The following RBMS3 variants were observed in gnomAD, a reference collection of about 807,000 sequenced individuals.
RBMS3 encodes the protein RNA binding motif single stranded interacting protein 3.
In RBMS3, 27 loss-of-function variants were observed where a neutral mutation model predicts 66.8. That is an observed-to-expected ratio of 0.40 (90% confidence interval 0.30 to 0.56). RBMS3 has a LOEUF of 0.56. Among genes scored for constraint, RBMS3 ranks in the 20% least tolerant of loss-of-function variants. The probability of loss-of-function intolerance (pLI) is 0.40; values close to 1 mark genes in which losing one functional copy is unlikely to be tolerated. For missense variants in RBMS3, 513 were observed against 549.5 expected, an observed-to-expected ratio of 0.93 and a Z score of 0.66; for synonymous variants, 188 against 183.0, an observed-to-expected ratio of 1.03 and a Z score of -0.22.
At chr3:29,336,122 A>G (rs970765124) in intron 1 of RBMS3, among the ~76,000 whole-genome samples, 1 of 152,184 alleles carries the variant, frequency 6.6e-6, no homozygotes, top group Non-Finnish European at 1.5e-5. Context: ...TGTGTTCTCT[A>G]TTCAAAAACT....
At position 29,658,236 on chromosome 3, in the gene RBMS3, G is replaced by A. The variant is rs2050394821; in HGVS notation, c.399+71031G>A. ...TGGCCGGTAGAAAACACTTGATAAA[G>A]GTTAGTTGTGGTAATCACAGAGAGA... On this transcript the variant is annotated intron_variant, in intron 4 of 14. Coordinates refer to ENST00000383767, the MANE Select transcript of RBMS3 (RefSeq NM_001003793.3). Among the ~76,000 whole-genome samples, 3 of 152,168 alleles carry A rather than the reference G, an allele frequency of 2.0e-5. No individual in the cohort carries two copies. In the South Asian group the frequency reaches 6.2e-4, roughly 32 times the overall value.
chr3:29,334,154 T>C (rs2125520857), intron 1 of RBMS3, among the ~76,000 whole-genome samples: 1 of 152,320 alleles, frequency 6.6e-6, no homozygotes, highest in South Asian at 2.1e-4. Flanking sequence ...TTCTTAAAAA[T>C]GGTGCCTGTG....
chr3:29,757,787 TG>T (rs2055491951), intron 5 of RBMS3, among the ~76,000 whole-genome samples: 2 of 152,222 alleles, frequency 1.3e-5, no homozygotes, highest in Admixed American at 6.5e-5. Flanking sequence ...TAAATTACCA[TG>T]GCACATTTGT....
At chr3:29,358,925 A>T (rs2037394771) in intron 1 of RBMS3, among the ~76,000 whole-genome samples, 1 of 152,188 alleles carries the variant, frequency 6.6e-6, no homozygotes, top group African/African-American at 2.4e-5. Flanking sequence ...GAAGTTGCTT[A>T]TCAGCTTAAG....
intron 6 of RBMS3, among the ~76,000 whole-genome samples, chr3:29,829,026 CT>C: frequency 2.1e-5 from 1 of 48,532 alleles, no homozygotes; most frequent in Non-Finnish European, 5.4e-5. Context: ...TTCTTTCTTT[CT>C]TTCTTTCTTT....
intron 4 of RBMS3, among the ~76,000 whole-genome samples, chr3:29,621,785 GA>G (rs907717315): frequency 5.4e-5 from 8 of 148,976 alleles, no homozygotes; most frequent in Middle Eastern, 3.4e-3. Flanking sequence ...AAGGATGAAA[GA>G]AAAAAAAAGT....
chr3:29,587,846 A>C (rs1576304481), intron 4 of RBMS3, among the ~76,000 whole-genome samples: 1 of 152,146 alleles, frequency 6.6e-6, no homozygotes, highest in East Asian at 1.9e-4. Flanking sequence ...CATTAAATAG[A>C]ATATGTATTC....
chr3:29,668,487 T>A (rs1351582124), intron 4 of RBMS3, among the ~76,000 whole-genome samples: 1 of 152,162 alleles, frequency 6.6e-6, no homozygotes, highest in Non-Finnish European at 1.5e-5. Context: ...TGCCTACTGA[T>A]GTTGAGGACA....
chr3:29,598,556 C>T (rs764476057), intron 4 of RBMS3, among the ~76,000 whole-genome samples: 1 of 151,994 alleles, frequency 6.6e-6, no homozygotes, highest in Non-Finnish European at 1.5e-5. Flanking sequence ...CCTTACTTAA[C>T]TTCTAGAAGA....
intron 12 of RBMS3, among the ~76,000 whole-genome samples, chr3:29,968,830 G>C (rs932102450): frequency 1.3e-5 from 2 of 152,216 alleles, no homozygotes; most frequent in Non-Finnish European, 2.9e-5. Context: ...ATGCTGCTCT[G>C]TCCGGAGCTG....
chr3:29,910,759 A>ATATATGTATATGTATATG (rs141450072), intron 10 of RBMS3, among the ~76,000 whole-genome samples: 41 of 150,868 alleles, frequency 2.7e-4, no homozygotes, highest in African/African-American at 9.8e-4. Flanking sequence ...ACATATACAT[A>ATATATGTATATGTATATG]TATATGTATA....
intron 3 of RBMS3, among the ~76,000 whole-genome samples, chr3:29,524,667 C>T (rs1385694654): frequency 6.6e-6 from 1 of 151,294 alleles, no homozygotes; most frequent in Non-Finnish European, 1.5e-5. Context: ...TGGTCTTGAA[C>T]TCCTGAGCTC....
At chr3:29,495,417 CTTTTTTTTTTTT>C (rs775377508) in intron 3 of RBMS3, among the ~76,000 whole-genome samples, 1 of 111,884 alleles carries the variant, frequency 8.9e-6, no homozygotes, top group African/African-American at 3.3e-5. Flanking sequence ...ATATTTCTTT[CTTTTTTTTTTTT>C]TTTTTTTTTG....
chr3:29,845,861 G>A (rs1023781894), intron 6 of RBMS3, among the ~76,000 whole-genome samples: 2 of 152,184 alleles, frequency 1.3e-5, no homozygotes, highest in African/African-American at 2.4e-5. Context: ...TTCTGAAGAA[G>A]CAGTGTTTCA....
At chr3:29,804,581 G>T (rs1182246291) in intron 6 of RBMS3, among the ~76,000 whole-genome samples, 1 of 151,890 alleles carries the variant, frequency 6.6e-6, no homozygotes, top group East Asian at 1.9e-4. Context: ...GATAAAATCT[G>T]ATTTTATGAC....
chr3:29,558,144 TTCC>T (rs2149043389), intron 3 of RBMS3, among the ~76,000 whole-genome samples: 1 of 152,190 alleles, frequency 6.6e-6, no homozygotes. Flanking sequence ...TTCATGTCAA[TTCC>T]TCCATATACA....
chr3:29,828,977 A>ACTTTCTTTCTTTCTTTCTTTCTTT (rs368382303), intron 6 of RBMS3, among the ~76,000 whole-genome samples: 12 of 98,702 alleles, frequency 1.2e-4, no homozygotes, highest in East Asian at 2.5e-4. Context: ...TTAGCGAGTG[A>ACTTTCTTTCTTTCTTTCTTTCTTT]CTTTCTTTCT....
chr3:29,412,260 G>A (rs17023432), intron 1 of RBMS3, among the ~76,000 whole-genome samples: 24,797 of 152,050 alleles, frequency 0.16, 2,253 homozygotes, highest in East Asian at 0.32. Flanking sequence ...AGTGATGAAC[G>A]AATACATTTC....
intron 3 of RBMS3, among the ~76,000 whole-genome samples, chr3:29,518,280 C>A (rs539386143): frequency 6.6e-6 from 1 of 152,322 alleles, no homozygotes; most frequent in East Asian, 1.9e-4. Flanking sequence ...TGGGCCTATA[C>A]CCACTTAGAA....
Sources: gnomAD v4.1 joint callset for allele counts (sites outside exome capture counted in the v4.1 genomes callset) on GRCh38, gnomAD v4.1.1 for gene constraint, MANE v1.5 for transcripts, NCBI Gene and HGNC (gene_info 2026-07-23, HGNC 2026-07-21) for gene names.